Variants in LAMA3 observed in about 807,000 individuals in gnomAD.
LAMA3 encodes the protein laminin subunit alpha 3.
Under a neutral mutation model 402.0 loss-of-function variants are expected in LAMA3, and 281 were observed. That is an observed-to-expected ratio of 0.70 (90% confidence interval 0.63 to 0.77). The LOEUF (loss-of-function observed/expected upper bound fraction) is 0.77. Among genes scored for constraint, LAMA3 ranks in the 30% least tolerant of loss-of-function variants. The pLI is 0.00. For synonymous variants in LAMA3, 1,431 were observed against 1,558.4 expected, an observed-to-expected ratio of 0.92 and a Z score of 1.93; for missense variants, 3,840 against 4,215.5, an observed-to-expected ratio of 0.91 and a Z score of 2.47.
chr18:23,862,736 T>A (rs1383763997), intron 35 of LAMA3, among the ~76,000 whole-genome samples: 1 of 152,196 alleles, frequency 6.6e-6, no homozygotes, highest in African/African-American at 2.4e-5. Flanking sequence ...ATGATTATCT[T>A]GGATGAGGAA....
intron 6 of LAMA3, among the ~76,000 whole-genome samples, 200 bp from the exon 7 acceptor site, chr18:23,758,196 C>T (rs1373854408): frequency 6.6e-6 from 1 of 152,206 alleles, no homozygotes; most frequent in African/African-American, 2.4e-5. Context: ...TCAGTCTCAC[C>T]ATCTGTAAAA....
chr18:23,846,406 C>T lies in LAMA3; in HGVS notation c.3829C>T (p.His1277Tyr). Reference sequence around the variant, plus strand: ...CCACCCCACTGGGGCCACCGGCCCTCACTGCAGCCCTGAGGGTGGGCAGTG... The same window carrying T: ...CCACCCCACTGGGGCCACCGGCCCTTACTGCAGCCCTGAGGGTGGGCAGTG... ...ECHPTGATGP[H>Y]CSPEGGQCPC... is the part of the protein sequence containing the mutation. Residue 1277 changes from histidine (H) to tyrosine (Y), a missense_variant, in exon 31 of 75, where the codon CAC becomes TAC. His to Tyr is a moderately conservative substitution (Grantham distance 83). Around this residue, in one of 3 missense-constraint regions of LAMA3, gnomAD observed 2,109 missense variants for 2,376.0 expected, o/e 0.89. Transcript: ENST00000313654. The T allele has an allele frequency of 1.9e-6, 3 of 1,614,106 alleles. No homozygotes were observed. The highest frequency in any genetic ancestry group is 2.5e-6 in the Non-Finnish European group (3 of 1,180,048).
intron 2 of LAMA3, among the ~76,000 whole-genome samples, chr18:23,723,311 A>G (rs2061245088): frequency 1.3e-5 from 2 of 152,258 alleles, no homozygotes; most frequent in South Asian, 4.1e-4. Flanking sequence ...TTATAAAAAT[A>G]GCATCCAGTG....
intron 58 of LAMA3, 139 bp from the exon 59 acceptor site, chr18:23,915,150 A>C: frequency 1.0e-6 from 1 of 1,003,224 alleles, no homozygotes; most frequent in East Asian, 2.6e-5. Context: ...AGTAAATAGC[A>C]AAGCCAGGGC....
chr18:23,814,533 A>G (rs760818965), intron 15 of LAMA3, 31 bp downstream of exon 15: 19 of 1,364,924 alleles, frequency 1.4e-5, no homozygotes, highest in Non-Finnish European at 1.9e-5. Flanking sequence ...AATTTACTAT[A>G]TTATAATGTT....
intron 6 of LAMA3, 128 bp downstream of exon 6, chr18:23,753,940 T>A: frequency 1.4e-6 from 1 of 730,010 alleles, no homozygotes; most frequent in African/African-American, 1.7e-5. Context: ...GATCAATGAA[T>A]AGGTGGGGGG....
At chr18:23,945,044 A>C (rs189865304) in intron 69 of LAMA3, among the ~76,000 whole-genome samples, 139 of 152,272 alleles carry the variant, frequency 9.1e-4, no homozygotes, top group African/African-American at 3.2e-3. Flanking sequence ...GAGGCAGGAG[A>C]ATCGCTTGAA....
intron 62 of LAMA3, among the ~76,000 whole-genome samples, chr18:23,924,876 A>T (rs1280116183): frequency 6.6e-6 from 1 of 152,210 alleles, no homozygotes; most frequent in Non-Finnish European, 1.5e-5. Flanking sequence ...TCACTGGAAC[A>T]TGGAAAATGC....
chr18:23,763,306 A>G, intron 7 of LAMA3, 99 bp from the exon 8 acceptor site: 5 of 848,984 alleles, frequency 5.9e-6, no homozygotes, highest in East Asian at 2.5e-5. Context: ...TCCAGAATAT[A>G]CTTTTTTATA....
rs2063842987 is a variant in LAMA3 at position 23,847,493 on chromosome 18, G to A, written c.3961G>A (p.Glu1321Lys). The change falls in exon 32 of 75, where the codon GAG (glutamate) becomes AAG (lysine). Residue 1321 changes from glutamate (E) to lysine (K), a missense_variant. By Grantham distance (56) the Glu-to-Lys change is moderately conservative. This residue lies in a region of LAMA3 where 2,109 missense variants were observed against 2,376.0 expected (regional missense o/e 0.89). Coordinates refer to ENST00000313654, the MANE Select transcript of LAMA3 (RefSeq NM_198129.4). ...CAGCTGTGGTCGGCGCCTTTGTGAA[G>A]AGATGACGGGGCAGTGCCGCTGCCC... Reference protein sequence around the residue: ...PCSCGRRLCEEMTGQCRCPPR... With the variant: ...PCSCGRRLCEKMTGQCRCPPR... The A allele has an allele frequency of 1.2e-6, 2 of 1,613,568 alleles. No individual in the cohort carries two copies. The highest frequency in any genetic ancestry group is 2.7e-5 in the African/African-American group (2 of 75,076).
chr18:23,900,429 G>A (rs2081034300), intron 47 of LAMA3, among the ~76,000 whole-genome samples: 1 of 152,202 alleles, frequency 6.6e-6, no homozygotes, highest in Non-Finnish European at 1.5e-5. Flanking sequence ...GTCAGATGTG[G>A]AATTTTCTAT....
At chr18:23,781,244 C>T (rs564834702) in intron 11 of LAMA3, 3 of 450,872 alleles carry the variant, frequency 6.7e-6, no homozygotes, top group South Asian at 4.7e-5. Context: ...TCGTTCTCAG[C>T]CTACAGGGCT....
intron 5 of LAMA3, 142 bp from the exon 6 acceptor site, chr18:23,753,579 A>C (rs2061789364): frequency 1.4e-6 from 1 of 701,572 alleles, no homozygotes; most frequent in Non-Finnish European, 2.7e-6. Context: ...ATTTTATAAG[A>C]CATGTTACAT....
At chr18:23,832,316 A>G (rs2063503944) in intron 23 of LAMA3, among the ~76,000 whole-genome samples, 2 of 152,170 alleles carry the variant, frequency 1.3e-5, no homozygotes, top group African/African-American at 4.8e-5. Context: ...CCTCTAGAAC[A>G]TGGAGTCAAC....
chr18:23,870,199 A>G lies in LAMA3; in HGVS notation c.4768-1232A>G, dbSNP rs190816385. Among the ~76,000 whole-genome samples, 599 of 152,324 alleles carry G rather than the reference A, an allele frequency of 3.9e-3. 4 individuals are homozygous for G. The highest frequency in any genetic ancestry group is 0.02 in the Middle Eastern group (6 of 294). ...GTGCCTATAATCCCAGTTACTTGGG[A>G]GGCTGAGGCAGGAGAATCACTTGAA... On this transcript the variant is annotated intron_variant, in intron 37 of 74. Coordinates refer to ENST00000313654, the MANE Select transcript of LAMA3 (RefSeq NM_198129.4).
intron 51 of LAMA3, 151 bp from the exon 52 acceptor site, chr18:23,905,371 C>G: frequency 1.8e-6 from 1 of 566,982 alleles, no homozygotes; most frequent in South Asian, 1.7e-5. Context: ...TACCTGGAGC[C>G]CTAACTCTTT....
At chr18:23,848,779 G>A (rs1411500709) in intron 32 of LAMA3, among the ~76,000 whole-genome samples, 1 of 152,220 alleles carries the variant, frequency 6.6e-6, no homozygotes, top group Non-Finnish European at 1.5e-5. Context: ...CATTTCTGGA[G>A]CCTGGAAATT....
In LAMA3 at chr18:23,753,770, A is replaced by G. The variant is rs1279704864; in HGVS notation, c.905A>G (p.Asn302Ser). Residue 302 changes from asparagine (N) to serine (S), a missense_variant, in exon 6 of 75, where the codon AAT becomes AGT. Transcript: ENST00000313654. ...DISIGGQCVC[N>S]GHAEVCNINN... is the part of the protein sequence containing the mutation. ...AGCATTGGTGGGCAGTGTGTTTGCA[A>G]TGGCCATGCTGAAGTGTGCAATATA... 1 of 1,613,816 alleles carries G rather than the reference A, an allele frequency of 6.2e-7. No individual in the cohort carries two copies. Among genetic ancestry groups the G allele is most frequent in the Non-Finnish European group, 8.5e-7 (1 of 1,179,826 alleles).
At chr18:23,700,384 C>T (rs16940247) in intron 1 of LAMA3, among the ~76,000 whole-genome samples, 8,155 of 152,050 alleles carry the variant, frequency 0.054, 573 homozygotes, top group African/African-American at 0.16. Context: ...GCATGGAAAC[C>T]GTTGAAAAAT....
Sources: gnomAD v4.1 joint callset for allele counts (sites outside exome capture counted in the v4.1 genomes callset) on GRCh38, gnomAD v4.1.1 for gene constraint, gnomAD v4.1.1 regional missense constraint, MANE v1.5 for transcripts, NCBI Gene and HGNC (gene_info 2026-07-23, HGNC 2026-07-21) for gene names.